The following SYT14 variants were observed in gnomAD, a reference collection of about 807,000 sequenced individuals.
SYT14 encodes the protein synaptotagmin 14, also known as synaptotagmin-14.
Under a neutral mutation model 74.2 loss-of-function variants are expected in SYT14, and 32 were observed. That is an observed-to-expected ratio of 0.43 (90% CI 0.33 to 0.58). The LOEUF (loss-of-function observed/expected upper bound fraction) is 0.58, where lower values mean the gene tolerates loss of function less well. Among genes scored for constraint, SYT14 ranks in the 20% least tolerant of loss-of-function variants. The pLI is 0.05. For synonymous variants in SYT14, 298 were observed against 337.7 expected (o/e 0.88, Z 1.29); for missense variants, 791 against 981.8 (o/e 0.81, Z 2.60).
intron 2 of SYT14, among the ~76,000 whole-genome samples, chr1:210,011,669 G>A (rs552872342): frequency 1.2e-4 from 18 of 152,244 alleles, no homozygotes; most frequent in African/African-American, 3.9e-4. Flanking sequence ...ATCATTGACC[G>A]GTTGTTGACT....
chr1:210,098,593 G>A (rs1334567), intron 6 of SYT14, among the ~76,000 whole-genome samples: 101,440 of 151,904 alleles, frequency 0.67, 34,889 homozygotes, highest in East Asian at 0.85. Flanking sequence ...TGTTTCACAC[G>A]TAAATTATTT....
At chr1:209,964,311 G>C (rs1190445801) in intron 2 of SYT14, among the ~76,000 whole-genome samples, 1 of 152,182 alleles carries the variant, frequency 6.6e-6, no homozygotes, top group Admixed American at 6.5e-5. Flanking sequence ...AGAACTGTGA[G>C]TCAATTAAAC....
At chr1:210,099,675 A>G (rs2082026152) in intron 6 of SYT14, among the ~76,000 whole-genome samples, 1 of 152,230 alleles carries the variant, frequency 6.6e-6, no homozygotes, top group Non-Finnish European at 1.5e-5. Context: ...AGTAAAATGT[A>G]GTAGTTTTCT....
At chr1:210,105,660 C>T (rs1309947217) in intron 7 of SYT14, among the ~76,000 whole-genome samples, 1 of 152,200 alleles carries the variant, frequency 6.6e-6, no homozygotes, top group Non-Finnish European at 1.5e-5. Flanking sequence ...TGGATTTCCC[C>T]TCCAAATCTC....
At chr1:210,067,222 A>G (rs2081312630) in intron 5 of SYT14, among the ~76,000 whole-genome samples, 1 of 152,020 alleles carries the variant, frequency 6.6e-6, no homozygotes. Flanking sequence ...TTGAAATCAT[A>G]AAGTGTGAGT....
intron 5 of SYT14, among the ~76,000 whole-genome samples, chr1:210,026,755 T>A (rs1558138112): frequency 6.6e-6 from 1 of 151,388 alleles, no homozygotes; most frequent in East Asian, 1.9e-4. Context: ...ATTCCTTTTA[T>A]TTATATTTTG....
chr1:210,141,754 G>A (rs577111873), intron 7 of SYT14, among the ~76,000 whole-genome samples: 1 of 152,322 alleles, frequency 6.6e-6, no homozygotes, highest in Admixed American at 6.5e-5. Context: ...CCAAGAGTCA[G>A]TTTACAACTG....
rs148046759 is a variant in SYT14, at chr1:210,048,264, G to A, written c.1312+27010G>A. 3.0e-4 allele frequency among the ~76,000 whole-genome samples: 45 copies of A among 152,164 alleles called. No homozygotes were observed. In the East Asian group the frequency reaches 7.1e-3, roughly 24 times the overall value. ...GGGCTATCAATTGTTCACTCAAACC[G>A]ACTCCCACATCTTTTTGATCTGTAT... is the stretch of plus-strand genomic sequence containing the variant. On this transcript the variant is annotated intron_variant, in intron 5 of 9. Transcript: ENST00000637265.
intron 5 of SYT14, among the ~76,000 whole-genome samples, chr1:210,066,548 T>A (rs1204638761): frequency 1.3e-5 from 2 of 152,200 alleles, no homozygotes; most frequent in Non-Finnish European, 2.9e-5. Flanking sequence ...TCTGTTCATA[T>A]CCTTCGCTCA....
At chr1:210,167,566 T>C (rs2083469034) in exon 10 of SYT14, 1 of 152,200 alleles carries the variant, frequency 6.6e-6, no homozygotes, top group Admixed American at 6.5e-5. Context: ...TGAAGTTTTC[T>C]TTTCCCCCAC....
At chr1:210,023,457 C>T (rs1315506004) in intron 5 of SYT14, among the ~76,000 whole-genome samples, 3 of 152,174 alleles carry the variant, frequency 2.0e-5, no homozygotes, top group Admixed American at 6.5e-5. Flanking sequence ...GATTCTCCTG[C>T]CTCAGCCTCC....
chr1:209,945,042 A>G (rs1356166822), intron 1 of SYT14, among the ~76,000 whole-genome samples: 3 of 152,120 alleles, frequency 2.0e-5, no homozygotes, highest in African/African-American at 7.2e-5. Context: ...TCTTGTCTGC[A>G]GCAGACATCT....
At chr1:210,107,288 A>G (rs1479080193) in intron 7 of SYT14, among the ~76,000 whole-genome samples, 1 of 152,234 alleles carries the variant, frequency 6.6e-6, no homozygotes, top group East Asian at 1.9e-4. Flanking sequence ...CTAGGGCAAC[A>G]GTCTCTTTGT....
intron 5 of SYT14, among the ~76,000 whole-genome samples, chr1:210,035,471 A>G (rs2080640238): frequency 6.6e-6 from 1 of 151,814 alleles, no homozygotes; most frequent in Admixed American, 6.6e-5. Context: ...TTGATGTCTT[A>G]GTCATGAATT....
At chr1:210,109,459 T>C (rs961094916) in intron 7 of SYT14, among the ~76,000 whole-genome samples, 3 of 151,792 alleles carry the variant, frequency 2.0e-5, no homozygotes, top group Admixed American at 6.6e-5. Flanking sequence ...GCACCTGTAG[T>C]CCCAGCTATT....
intron 2 of SYT14, among the ~76,000 whole-genome samples, chr1:209,979,251 G>A (rs992594350): frequency 5.3e-5 from 8 of 152,232 alleles, no homozygotes; most frequent in Middle Eastern, 3.4e-3. Context: ...AGATGAGCCC[G>A]GTACCTCAGT....
At chr1:210,148,473 C>T (rs1034157176) in intron 7 of SYT14, among the ~76,000 whole-genome samples, 20 of 149,524 alleles carry the variant, frequency 1.3e-4, no homozygotes, top group Admixed American at 4.0e-4. Context: ...CGCGCCACTG[C>T]ACTCCAGCCT....
At chr1:210,159,904 A>G (rs927172226) in intron 9 of SYT14, among the ~76,000 whole-genome samples, 2 of 152,190 alleles carry the variant, frequency 1.3e-5, no homozygotes, top group East Asian at 1.9e-4. Flanking sequence ...TAATCAGGCA[A>G]TGAACTGTTA....
At chr1:209,991,452 C>A (rs1316412763) in intron 2 of SYT14, among the ~76,000 whole-genome samples, 1 of 152,068 alleles carries the variant, frequency 6.6e-6, no homozygotes, top group Non-Finnish European at 1.5e-5. Context: ...CAAATAACCC[C>A]ATTAAAAAGT....
Sources: allele counts gnomAD v4.1 joint callset (sites outside exome capture counted in the v4.1 genomes callset), GRCh38; gene constraint gnomAD v4.1.1; transcripts MANE v1.5; gene names NCBI Gene and HGNC (gene_info 2026-07-23, HGNC 2026-07-21).